Variants in GALNT13 observed in about 807,000 individuals in gnomAD.
GALNT13 encodes UDP-GalNAc:polypeptide N-acetylgalactosaminyltransferase 13.
GALNT13 carries 28 observed loss-of-function variants against 64.2 expected under a neutral mutation model. That is an observed-to-expected ratio of 0.44 (90% CI 0.32 to 0.60). The LOEUF (loss-of-function observed/expected upper bound fraction) is 0.60. GALNT13 is among the 20% of genes least tolerant of loss of function. The pLI is 0.05. For synonymous variants in GALNT13, 214 were observed against 224.6 expected (o/e 0.95, Z 0.42); for missense variants, 577 against 669.8 (o/e 0.86, Z 1.53).
the GALNT13 span, among the ~76,000 whole-genome samples, chr2:153,690,941 A>T: frequency 6.6e-6 from 1 of 152,112 alleles, no homozygotes; most frequent in South Asian, 2.1e-4. Flanking sequence ...TAAAGAGAGC[A>T]AACAATCCAT....
At chr2:154,026,856 A>C (rs1467614969) in intron 3 of GALNT13, among the ~76,000 whole-genome samples, 1 of 152,194 alleles carries the variant, frequency 6.6e-6, no homozygotes, top group African/African-American at 2.4e-5. Context: ...AAGAATTGGA[A>C]GTATAGTTGG....
At chr2:154,191,521 C>T (rs1226682229) in intron 4 of GALNT13, among the ~76,000 whole-genome samples, 2 of 152,152 alleles carry the variant, frequency 1.3e-5, no homozygotes, top group African/African-American at 4.8e-5. Context: ...TTTTATTGTG[C>T]GGTATGAATG....
intron 3 of GALNT13, among the ~76,000 whole-genome samples, chr2:153,981,202 A>T (rs1199442962): frequency 6.6e-6 from 1 of 152,012 alleles, no homozygotes; most frequent in South Asian, 2.1e-4. Flanking sequence ...CATCCTTGTG[A>T]TATTTTAGAA....
chr2:153,693,642 A>C, the GALNT13 span, among the ~76,000 whole-genome samples: 1 of 152,042 alleles, frequency 6.6e-6, no homozygotes, highest in Non-Finnish European at 1.5e-5. Flanking sequence ...AAGGGCAAGC[A>C]GGAGGATAAG....
At chr2:153,732,820 C>T in the GALNT13 span, among the ~76,000 whole-genome samples, 8 of 151,724 alleles carry the variant, frequency 5.3e-5, no homozygotes, top group South Asian at 8.3e-4. Context: ...TTGCCTCTAC[C>T]GTAGAGATAG....
chr2:153,586,745 T>G, the GALNT13 span, among the ~76,000 whole-genome samples: 1 of 152,166 alleles, frequency 6.6e-6, no homozygotes, highest in Non-Finnish European at 1.5e-5. Flanking sequence ...TTCTCATCAG[T>G]GCATGAAATA....
At chr2:153,387,643 C>T in the GALNT13 span, among the ~76,000 whole-genome samples, 1 of 152,004 alleles carries the variant, frequency 6.6e-6, no homozygotes, top group Non-Finnish European at 1.5e-5. Context: ...AAGATGCAGA[C>T]AAATGTTTAT....
the GALNT13 span, among the ~76,000 whole-genome samples, chr2:153,350,497 C>G: frequency 6.6e-6 from 1 of 151,394 alleles, no homozygotes; most frequent in Non-Finnish European, 1.5e-5. Context: ...ATTCTCCTAC[C>G]TCAACCTCCC....
At chr2:153,760,909 A>G in the GALNT13 span, among the ~76,000 whole-genome samples, 1 of 152,166 alleles carries the variant, frequency 6.6e-6, no homozygotes. Flanking sequence ...TAGGTGTTCC[A>G]ACGTTGGGTG....
intron 1 of GALNT13, among the ~76,000 whole-genome samples, chr2:153,890,553 C>T (rs917518326): frequency 1.3e-5 from 2 of 152,064 alleles, no homozygotes; most frequent in Admixed American, 1.3e-4. Flanking sequence ...CAGGTTCACA[C>T]CTTCTATTTA....
the GALNT13 span, among the ~76,000 whole-genome samples, chr2:153,736,572 T>C: frequency 6.6e-6 from 1 of 152,206 alleles, no homozygotes. Context: ...TATGTTCATG[T>C]ATATTAGCAC....
At chr2:153,176,550 AC>A in the GALNT13 span, among the ~76,000 whole-genome samples, 62 of 152,178 alleles carry the variant, frequency 4.1e-4, no homozygotes, top group Non-Finnish European at 1.3e-4. Context: ...TAGACTGGAC[AC>A]AAAAAATTAG....
chr2:153,369,794 A>G, the GALNT13 span, among the ~76,000 whole-genome samples: 2 of 152,130 alleles, frequency 1.3e-5, no homozygotes, highest in African/African-American at 4.8e-5. Flanking sequence ...ATGGTAAGGG[A>G]CTAAGGCCTG....
At chr2:153,627,125 A>G in the GALNT13 span, among the ~76,000 whole-genome samples, 14 of 152,060 alleles carry the variant, frequency 9.2e-5, no homozygotes, top group Admixed American at 9.2e-4. Context: ...GCTTGCAGCC[A>G]TCTTGAGACT....
chr2:153,224,337 G>T, the GALNT13 span, among the ~76,000 whole-genome samples: 2 of 152,206 alleles, frequency 1.3e-5, no homozygotes, highest in South Asian at 4.1e-4. Flanking sequence ...AGGGGGGAAG[G>T]GGGTGGGGAG....
intron 4 of GALNT13, among the ~76,000 whole-genome samples, chr2:154,159,917 CT>C (rs1684636570): frequency 6.6e-6 from 1 of 152,120 alleles, no homozygotes; most frequent in South Asian, 2.1e-4. Flanking sequence ...GATGCTAAGT[CT>C]TCTACCTTAA....
At chr2:153,481,101 G>A in the GALNT13 span, among the ~76,000 whole-genome samples, 3 of 152,238 alleles carry the variant, frequency 2.0e-5, no homozygotes, top group African/African-American at 7.2e-5. Context: ...TGTTGACAAG[G>A]TAATAGGTAT....
chr2:154,186,356 G>A (rs1686251283), intron 4 of GALNT13, among the ~76,000 whole-genome samples: 1 of 151,938 alleles, frequency 6.6e-6, no homozygotes, highest in Non-Finnish European at 1.5e-5. Flanking sequence ...GCTTATTTTA[G>A]GCAACCATTA....
chr2:154,236,450 C>G (rs545220579), intron 4 of GALNT13, among the ~76,000 whole-genome samples: 1 of 152,100 alleles, frequency 6.6e-6, no homozygotes, highest in South Asian at 2.1e-4. Flanking sequence ...TTTTTGAGCT[C>G]ATGAGATAAT....
Sources: gnomAD v4.1 joint callset for allele counts (sites outside exome capture counted in the v4.1 genomes callset) on GRCh38, gnomAD v4.1.1 for gene constraint, MANE v1.5 for transcripts, NCBI Gene and HGNC (gene_info 2026-07-23, HGNC 2026-07-21) for gene names.